Variants in TMEM242 observed in about 807,000 individuals in gnomAD.
The protein encoded by TMEM242 is UPF0463 transmembrane protein C6orf35.
In TMEM242, 10 loss-of-function variants were observed where a neutral mutation model predicts 18.2. The ratio of observed to expected loss-of-function variants is 0.55; its 90% CI spans 0.34 to 0.93. The LOEUF is 0.93. Among genes scored for constraint, TMEM242 ranks in the 40% least tolerant of loss-of-function variants. The pLI is 0.02. For synonymous variants in TMEM242, 57 were observed against 69.9 expected, an observed-to-expected ratio of 0.81 and a Z score of 0.92; for missense variants, 186 against 175.5, an observed-to-expected ratio of 1.06 and a Z score of -0.34.
chr6:157,322,162 G>A (rs897719502), intron 2 of TMEM242, among the ~76,000 whole-genome samples: 8 of 152,034 alleles, frequency 5.3e-5, no homozygotes, highest in African/African-American at 1.4e-4. Flanking sequence ...ACAGAGTCTC[G>A]CTCTGTCACC....
chr6:157,291,993 A>G lies in TMEM242; in HGVS notation c.*908T>C, dbSNP rs1324637898. The G allele has an allele frequency of 4.6e-5, 7 of 152,156 alleles. No homozygotes were observed. The highest frequency in any genetic ancestry group is 3.9e-4 in the Admixed American group (6 of 15,276). The allele number at this position is 152,156 out of a possible 1,614,324, so 9.4% of individuals were successfully genotyped here. A position where few individuals can be genotyped will look rare whatever the true frequency, so the allele number is the denominator to read the frequency against. Reference sequence around the variant, plus strand: ...CTGTTTTTTTTGTAGGAGACTGTGGAAGACAGGAGGGAGTTGGGCGTGCAC... The same window carrying G: ...CTGTTTTTTTTGTAGGAGACTGTGGGAGACAGGAGGGAGTTGGGCGTGCAC... On this transcript the variant is annotated 3_prime_UTR_variant, in exon 4 of 4. Coordinates refer to ENST00000400788, the MANE Select transcript of TMEM242 (RefSeq NM_018452.6).
rs1480189307 is a variant in TMEM242 at position 157,322,800 on chromosome 6, T to C, written c.94A>G (p.Ile32Val). 7.4e-6 allele frequency: 12 copies of C among 1,613,150 alleles called. No homozygotes were observed. Among genetic ancestry groups the C allele is most frequent in the Non-Finnish European group, 1.0e-5 (12 of 1,179,724 alleles). ...GCTGCAGCAACGGTACCAAGGAAAA[T>C]TCCACCTGCCAAGAGTTTCGGGGAG... Reference protein sequence around the residue: ...NDRLFLVKGGIFLGTVAAAGM... With the variant: ...NDRLFLVKGGVFLGTVAAAGM... The change falls in exon 2 of 4, where the codon ATT becomes GTT. Residue 32 changes from isoleucine (I) to valine (V), a missense_variant. Transcript: ENST00000400788.
chr6:157,320,008 T>A (rs782611175), intron 2 of TMEM242, among the ~76,000 whole-genome samples: 3 of 152,220 alleles, frequency 2.0e-5, no homozygotes, highest in Non-Finnish European at 2.9e-5. Context: ...TTAGATATTA[T>A]CAATGTTAGA....
At chr6:157,321,535 A>G (rs1554250742) in intron 2 of TMEM242, among the ~76,000 whole-genome samples, 1 of 152,210 alleles carries the variant, frequency 6.6e-6, no homozygotes, top group African/African-American at 2.4e-5. Context: ...CTGTACCATT[A>G]GTACAAGCAT....
At chr6:157,307,856 C>T (rs4235921) in intron 3 of TMEM242, among the ~76,000 whole-genome samples, 39,026 of 152,014 alleles carry the variant, frequency 0.26, 5,320 homozygotes, top group East Asian at 0.56. Flanking sequence ...GAAGTGGAAA[C>T]GAGGCCGAAT....
intron 3 of TMEM242, among the ~76,000 whole-genome samples, chr6:157,313,000 G>C (rs77884040): frequency 0.01 from 993 of 99,032 alleles, no homozygotes; most frequent in African/African-American, 0.012. Context: ...TCATCATAGT[G>C]TCCCAGTGTC....
At chr6:157,293,825 C>T (rs930982751) in intron 3 of TMEM242, among the ~76,000 whole-genome samples, 7 of 152,028 alleles carry the variant, frequency 4.6e-5, no homozygotes, top group South Asian at 2.1e-4. Context: ...CTCAACCTCC[C>T]GGGCTCAAGT....
At chr6:157,311,037 C>A (rs1554248577) in intron 3 of TMEM242, among the ~76,000 whole-genome samples, 1 of 127,986 alleles carries the variant, frequency 7.8e-6, no homozygotes, top group Non-Finnish European at 1.6e-5. Context: ...TCATAGTGTC[C>A]CAGTGTGCGC....
rs1341133609 is a variant in TMEM242 at position 157,301,969 on chromosome 6, AC to A, written c.328-8971del. 2.0e-5 allele frequency among the ~76,000 whole-genome samples: 3 copies of A among 152,258 alleles called. No individual in the cohort carries two copies. The East Asian group carries it at 5.8e-4, about 29-fold the overall frequency. On this transcript the variant is annotated intron_variant, in intron 3 of 3. Coordinates refer to ENST00000400788, the MANE Select transcript of TMEM242 (RefSeq NM_018452.6). ...AAAAAGGCAGTCCAGGAGGAGAGGA[AC>A]AATAAGCAAAGGAGTTGGTGAGGGT...
chr6:157,302,606 G>T (rs1414141035), intron 3 of TMEM242, among the ~76,000 whole-genome samples: 1 of 152,114 alleles, frequency 6.6e-6, no homozygotes, highest in Non-Finnish European at 1.5e-5. Context: ...TTTACAATAA[G>T]TCTTGAGATA....
intron 3 of TMEM242, among the ~76,000 whole-genome samples, chr6:157,310,997 GCCTCCCCAGTGTGCAGTCACCTA>G (rs1554248555): frequency 0.31 from 762 of 2,464 alleles, no homozygotes; most frequent in Non-Finnish European, 0.32. Context: ...CGCTAACCTA[GCCTCCCCAGTGTGCAGTCACCTA>G]GCCTCATCAT....
intron 3 of TMEM242, chr6:157,299,435 T>TC (rs1777796164): frequency 6.8e-6 from 9 of 1,332,174 alleles, no homozygotes; most frequent in Non-Finnish European, 9.7e-6. Context: ...GTCTCCATGC[T>TC]CTCCTAGGAT....
At chr6:157,319,604 T>G (rs1554250598) in intron 2 of TMEM242, among the ~76,000 whole-genome samples, 1 of 152,228 alleles carries the variant, frequency 6.6e-6, no homozygotes, top group African/African-American at 2.4e-5. Context: ...CCCAGTTGTT[T>G]TGCATGACAC....
rs1218034909 is a variant in TMEM242 at position 157,289,712 on chromosome 6, T to G, written c.*3189A>C. ...CCCGTCCCCCCACCCCCACCTTAAT[T>G]TCTTCTATTTTCCCCTTAGATTGCA... is the stretch of plus-strand genomic sequence containing the variant. On this transcript the variant is annotated 3_prime_UTR_variant, in exon 4 of 4. Coordinates refer to ENST00000400788, the MANE Select transcript of TMEM242 (RefSeq NM_018452.6). 1 of 149,360 alleles carries G rather than the reference T, an allele frequency of 6.7e-6. No homozygotes were observed. The highest frequency in any genetic ancestry group is 1.5e-5 in the Non-Finnish European group (1 of 67,230). The allele number at this position is 149,360 out of a possible 1,614,324, so 9.3% of individuals were successfully genotyped here.
intron 3 of TMEM242, among the ~76,000 whole-genome samples, chr6:157,307,030 C>T (rs1554247979): frequency 6.6e-6 from 1 of 152,162 alleles, no homozygotes; most frequent in Non-Finnish European, 1.5e-5. Flanking sequence ...ACAAACTGTA[C>T]ATATCAACTA....
At chr6:157,321,012 CTT>C (rs1181386580) in intron 2 of TMEM242, among the ~76,000 whole-genome samples, 2 of 102,054 alleles carry the variant, frequency 2.0e-5, no homozygotes, top group Non-Finnish European at 2.1e-5. Context: ...TTTTTTTTTT[CTT>C]TTTTTTTTTT....
chr6:157,313,369 A>T (rs1554249731), intron 3 of TMEM242, among the ~76,000 whole-genome samples: 1 of 118,842 alleles, frequency 8.4e-6, no homozygotes, highest in Non-Finnish European at 1.7e-5. Context: ...TGGCCTCATC[A>T]TAGTGCCTCA....
chr6:157,323,082 A>T (rs587688039), intron 1 of TMEM242, among the ~76,000 whole-genome samples: 2 of 152,190 alleles, frequency 1.3e-5, no homozygotes, highest in Admixed American at 1.3e-4. Context: ...CTCCCCTGGG[A>T]CCACAGCGTG....
intron 3 of TMEM242, among the ~76,000 whole-genome samples, chr6:157,313,381 T>A: frequency 3.2e-5 from 1 of 31,622 alleles, no homozygotes; most frequent in African/African-American, 1.5e-4. Flanking sequence ...AGTGCCTCAG[T>A]GTACGCTCAC....
Sources: gnomAD v4.1 joint callset for allele counts (sites outside exome capture counted in the v4.1 genomes callset) on GRCh38, gnomAD v4.1.1 for gene constraint, MANE v1.5 for transcripts, NCBI Gene and HGNC (gene_info 2026-07-23, HGNC 2026-07-21) for gene names.